The following CNTN5 variants were observed in gnomAD, a reference collection of about 807,000 sequenced individuals.
The protein encoded by CNTN5 is contactin-5.
CNTN5 carries 77 observed loss-of-function variants against 129.1 expected under a neutral mutation model. The ratio of observed to expected loss-of-function variants is 0.60; its 90% CI spans 0.50 to 0.72. The LOEUF is 0.72. Among genes scored for constraint, CNTN5 ranks in the 30% least tolerant of loss-of-function variants. The pLI, the probability that CNTN5 is intolerant of heterozygous loss-of-function variation, is 0.00. For synonymous variants in CNTN5, 509 were observed against 465.6 expected (o/e 1.09, Z -1.20); for missense variants, 1,478 against 1,328.8 (o/e 1.11, Z -1.75).
At chr11:100,022,825 G>C (rs1941229406) in intron 9 of CNTN5, among the ~76,000 whole-genome samples, 1 of 152,012 alleles carries the variant, frequency 6.6e-6, no homozygotes, top group Non-Finnish European at 1.5e-5. Flanking sequence ...TCTTCCTTCA[G>C]TACTTCAGAT....
chr11:99,610,149 A>C (rs1193382084), intron 3 of CNTN5, among the ~76,000 whole-genome samples: 2 of 152,318 alleles, frequency 1.3e-5, no homozygotes, highest in Admixed American at 6.5e-5. Flanking sequence ...TAATGTGTGC[A>C]AAACACTTAG....
intron 3 of CNTN5, among the ~76,000 whole-genome samples, chr11:99,557,549 AG>A (rs1948713210): frequency 6.6e-6 from 1 of 151,628 alleles, no homozygotes; most frequent in East Asian, 1.9e-4. Context: ...AAGGACTGAT[AG>A]AAGAACAAAC....
intron 3 of CNTN5, among the ~76,000 whole-genome samples, chr11:99,739,945 A>G (rs1943836645): frequency 6.6e-6 from 1 of 152,110 alleles, no homozygotes; most frequent in African/African-American, 2.4e-5. Context: ...GGTAAAATAC[A>G]TTGATCTTTA....
chr11:100,024,471 G>T (rs1941310959), intron 9 of CNTN5, among the ~76,000 whole-genome samples: 1 of 152,188 alleles, frequency 6.6e-6, no homozygotes, highest in South Asian at 2.1e-4. Context: ...AAATGTGGAA[G>T]CAACTTTGGA....
At chr11:99,082,794 C>T (rs1357070254) in intron 1 of CNTN5, among the ~76,000 whole-genome samples, 1 of 151,990 alleles carries the variant, frequency 6.6e-6, no homozygotes, top group Non-Finnish European at 1.5e-5. Flanking sequence ...TAAAATGTTT[C>T]AGAAGAGTTT....
intron 6 of CNTN5, among the ~76,000 whole-genome samples, chr11:99,914,892 G>A (rs150968481): frequency 1.2e-4 from 19 of 152,068 alleles, no homozygotes; most frequent in African/African-American, 4.6e-4. Context: ...TTCTTAGATT[G>A]TTATAGACTA....
chr11:100,352,638 A>T (rs1365127315), intron 24 of CNTN5, among the ~76,000 whole-genome samples: 1 of 151,790 alleles, frequency 6.6e-6, no homozygotes, highest in African/African-American at 2.4e-5. Flanking sequence ...AGATGGGAGA[A>T]ATCTGACTTT....
chr11:100,031,353 A>G (rs774488039), intron 9 of CNTN5, among the ~76,000 whole-genome samples: 7 of 152,290 alleles, frequency 4.6e-5, no homozygotes, highest in Middle Eastern at 3.4e-3. Context: ...CAGAGAGCCT[A>G]TGAGTGGACG....
Position 99,882,256 on chromosome 11 carries a change from G to A in CNTN5, c.578-33798G>A, listed in dbSNP as rs1948790197. On this transcript the variant is annotated intron_variant, in intron 6 of 24. Transcript: ENST00000524871. ...TAAGTGATCTAGATACTCTTGTGAA[G>A]CTCTCCTGTTAAAAGACTTATGGTT... 2.6e-5 allele frequency among the ~76,000 whole-genome samples: 4 copies of A among 152,290 alleles called. No individual in the cohort carries two copies. In the South Asian group the frequency reaches 8.3e-4, roughly 32 times the overall value.
chr11:99,360,031 C>T (rs1261348529), intron 2 of CNTN5, among the ~76,000 whole-genome samples: 1 of 152,048 alleles, frequency 6.6e-6, no homozygotes, highest in African/African-American at 2.4e-5. Flanking sequence ...TACATATACC[C>T]ACTACATACT....
At chr11:99,316,475 A>G (rs749732110) in intron 1 of CNTN5, among the ~76,000 whole-genome samples, 3 of 152,114 alleles carry the variant, frequency 2.0e-5, no homozygotes, top group Non-Finnish European at 2.9e-5. Context: ...CAGTATATCT[A>G]GGTAATGATC....
At chr11:99,488,382 A>G (rs960372511) in intron 2 of CNTN5, among the ~76,000 whole-genome samples, 1 of 152,050 alleles carries the variant, frequency 6.6e-6, no homozygotes, top group Non-Finnish European at 1.5e-5. Context: ...CATGTTGGTC[A>G]GGCTGGTCTC....
chr11:99,897,219 A>G (rs60695183), intron 6 of CNTN5, among the ~76,000 whole-genome samples: 117 of 152,318 alleles, frequency 7.7e-4, no homozygotes, highest in African/African-American at 2.8e-3. Flanking sequence ...AAAAGTAAAC[A>G]ACCTGGAAAA....
chr11:100,148,432 T>C (rs1946930280), intron 13 of CNTN5, among the ~76,000 whole-genome samples: 1 of 152,206 alleles, frequency 6.6e-6, no homozygotes, highest in Non-Finnish European at 1.5e-5. Flanking sequence ...CTCTTTCTCT[T>C]TTCCCTGCCC....
intron 6 of CNTN5, among the ~76,000 whole-genome samples, chr11:99,860,248 A>G (rs1200695995): frequency 6.6e-6 from 1 of 150,822 alleles, no homozygotes; most frequent in Non-Finnish European, 1.5e-5. Context: ...ATTTTCTCTG[A>G]CTCTGTAGGT....
At position 99,398,319 on chromosome 11, in the gene CNTN5, G is replaced by A. The variant is rs117480994; in HGVS notation, c.-71+72835G>A. Among the ~76,000 whole-genome samples the A allele has an allele frequency of 9.7e-3, 1,472 of 151,842 alleles. 10 individuals carry two copies. Among genetic ancestry groups the A allele is most frequent in the South Asian group, 0.023 (113 of 4,816 alleles). On this transcript the variant is annotated intron_variant, in intron 2 of 24. Transcript: ENST00000524871. The stretch of plus-strand genomic sequence containing the variant: ...TTTCCTGAATTTATTCTATACATTT[G>A]TAATATATTTCTGTTCGTCTGTCCT...
intron 8 of CNTN5, among the ~76,000 whole-genome samples, chr11:99,961,778 C>G (rs1034729117): frequency 1.3e-5 from 2 of 152,158 alleles, no homozygotes; most frequent in Admixed American, 1.3e-4. Flanking sequence ...GTGCAAAACT[C>G]TTATTCTAGC....
At chr11:99,502,331 C>T (rs1303743627) in intron 2 of CNTN5, among the ~76,000 whole-genome samples, 1 of 151,890 alleles carries the variant, frequency 6.6e-6, no homozygotes, top group Non-Finnish European at 1.5e-5. Flanking sequence ...CTTTGTGTCC[C>T]CACCCAAATC....
intron 1 of CNTN5, among the ~76,000 whole-genome samples, chr11:99,208,873 T>G (rs1380024304): frequency 6.6e-6 from 1 of 152,152 alleles, no homozygotes; most frequent in East Asian, 1.9e-4. Flanking sequence ...TAAAATGCCT[T>G]GTTTATTAAA....
Sources: allele counts gnomAD v4.1 joint callset (sites outside exome capture counted in the v4.1 genomes callset), GRCh38; gene constraint gnomAD v4.1.1; transcripts MANE v1.5; gene names NCBI Gene and HGNC (gene_info 2026-07-23, HGNC 2026-07-21).